The following FGF12 variants were observed in gnomAD, a reference collection of about 807,000 sequenced individuals.
FGF12 encodes the protein fibroblast growth factor 12.
In FGF12, 14 loss-of-function variants were observed where a neutral mutation model predicts 23.6. That is an observed-to-expected ratio of 0.59 (90% CI 0.39 to 0.93). The LOEUF (loss-of-function observed/expected upper bound fraction) is 0.93. Ranked by LOEUF, FGF12 falls within the 40% of genes least tolerant of loss-of-function variation. The pLI is 0.00. For missense variants in FGF12, 175 were observed against 217.8 expected, an observed-to-expected ratio of 0.80 and a Z score of 1.24; for synonymous variants, 62 against 77.3, an observed-to-expected ratio of 0.80 and a Z score of 1.04.
chr3:192,433,110 G>A (rs145110140), intron 2 of FGF12, among the ~76,000 whole-genome samples: 106 of 152,212 alleles, frequency 7.0e-4, no homozygotes, highest in Middle Eastern at 3.4e-3. Context: ...TTCCTAGAAA[G>A]GGCATTGATT....
chr3:192,240,436 A>G lies in FGF12; in HGVS notation c.229-69780T>C, dbSNP rs183951700. On this transcript the variant is annotated intron_variant, in intron 4 of 5. Transcript: ENST00000445105. ...TTATTATTTTTTTGCTCTGAAAACCAATATAAATATGTTTATCTGCTACAA... is the reference window on the plus strand; with the variant it reads ...TTATTATTTTTTTGCTCTGAAAACCGATATAAATATGTTTATCTGCTACAA... Among the ~76,000 whole-genome samples the G allele has an allele frequency of 5.5e-3, 841 of 152,334 alleles. 7 individuals are homozygous for G. The highest frequency in any genetic ancestry group is 0.01 in the Non-Finnish European group (701 of 68,022).
intron 4 of FGF12, among the ~76,000 whole-genome samples, chr3:192,300,863 C>CA (rs1715312804): frequency 6.6e-6 from 1 of 151,936 alleles, no homozygotes; most frequent in Non-Finnish European, 1.5e-5. Context: ...CTAAGAAATA[C>CA]AAAAATTAGT....
At chr3:192,427,088 G>A (rs141127611) in intron 2 of FGF12, among the ~76,000 whole-genome samples, 3 of 152,100 alleles carry the variant, frequency 2.0e-5, no homozygotes, top group African/African-American at 7.2e-5. Context: ...CACTATAAGA[G>A]TAGAAGAGTG....
At chr3:192,247,258 G>T (rs1016414665) in intron 4 of FGF12, among the ~76,000 whole-genome samples, 1 of 152,118 alleles carries the variant, frequency 6.6e-6, no homozygotes, top group Admixed American at 6.5e-5. Flanking sequence ...TAGTCAACAA[G>T]CAGATGCACT....
chr3:192,214,618 T>C (rs1412893401), intron 4 of FGF12, among the ~76,000 whole-genome samples: 1 of 152,226 alleles, frequency 6.6e-6, no homozygotes, highest in African/African-American at 2.4e-5. Context: ...TCAGTTGTTA[T>C]GATGAAGCAA....
At chr3:192,631,468 C>T (rs1029984175) in intron 2 of FGF12, among the ~76,000 whole-genome samples, 3 of 152,334 alleles carry the variant, frequency 2.0e-5, no homozygotes, top group Admixed American at 2.0e-4. Flanking sequence ...ACATTGAGCC[C>T]TCATTTGCAG....
At chr3:192,608,939 C>T (rs1292841134) in intron 2 of FGF12, among the ~76,000 whole-genome samples, 1 of 152,048 alleles carries the variant, frequency 6.6e-6, no homozygotes, top group Non-Finnish European at 1.5e-5. Context: ...CTTAGTGAGG[C>T]AGGCTTAAAG....
chr3:192,707,915 A>G (rs940234452), intron 2 of FGF12, among the ~76,000 whole-genome samples: 4 of 152,030 alleles, frequency 2.6e-5, no homozygotes, highest in Non-Finnish European at 5.9e-5. Context: ...CATGGACAAC[A>G]GGAAGTTCAG....
At position 192,514,156 on chromosome 3, in the gene FGF12, A is replaced by C. The variant is rs575860658; in HGVS notation, c.14-153618T>G. On this transcript the variant is annotated intron_variant, in intron 2 of 5. Coordinates refer to ENST00000445105, the MANE Select transcript of FGF12 (RefSeq NM_004113.6). The surrounding 1 kb of genome is among the most constrained non-coding windows in gnomAD (Gnocchi z 4.9). ...CTCCTACTTCAGCACCAAGGACAGA[A>C]ATCGCTAAATCTCCAGGGGAAACGT... is the stretch of plus-strand genomic sequence containing the variant. Among the ~76,000 whole-genome samples the C allele has an allele frequency of 6.6e-6, 1 of 152,324 alleles. No individual in the cohort carries two copies. The highest frequency in any genetic ancestry group is 1.9e-4 in the East Asian group (1 of 5,182).
intron 2 of FGF12, among the ~76,000 whole-genome samples, chr3:192,415,693 C>G (rs1424921870): frequency 6.7e-6 from 1 of 149,178 alleles, no homozygotes; most frequent in Non-Finnish European, 1.5e-5. Context: ...ATATCTAGGC[C>G]TATATTTTCA....
chr3:192,532,828 T>G (rs959762817), intron 2 of FGF12, among the ~76,000 whole-genome samples: 1 of 152,200 alleles, frequency 6.6e-6, no homozygotes, highest in African/African-American at 2.4e-5. Context: ...GTTTATTTTT[T>G]TCTTCTATGA....
At chr3:192,312,761 A>C (rs1005317392) in intron 4 of FGF12, among the ~76,000 whole-genome samples, 1 of 151,074 alleles carries the variant, frequency 6.6e-6, no homozygotes, top group Admixed American at 6.6e-5. Context: ...AAAAAAAAAA[A>C]TTATGCCAAG....
intron 2 of FGF12, among the ~76,000 whole-genome samples, chr3:192,648,402 T>A (rs1272010022): frequency 6.6e-6 from 1 of 152,116 alleles, no homozygotes; most frequent in Admixed American, 6.6e-5. Context: ...GATACATCTA[T>A]ATACACAAAA....
intron 2 of FGF12, among the ~76,000 whole-genome samples, chr3:192,630,142 G>A (rs544443924): frequency 1.3e-5 from 2 of 152,092 alleles, no homozygotes; most frequent in Non-Finnish European, 2.9e-5. Context: ...CTCCCTGCCC[G>A]CCTCTCTTGC....
intron 4 of FGF12, among the ~76,000 whole-genome samples, chr3:192,274,751 C>G (rs1418432708): frequency 5.3e-5 from 8 of 152,176 alleles, no homozygotes; most frequent in African/African-American, 1.9e-4. Flanking sequence ...AAGGACATAA[C>G]AAGGACACAG....
chr3:192,659,965 T>C (rs1455455287), intron 2 of FGF12, among the ~76,000 whole-genome samples: 3 of 152,116 alleles, frequency 2.0e-5, no homozygotes, highest in South Asian at 4.1e-4. Flanking sequence ...TATCTGTTCA[T>C]ATCCTTCATG....
chr3:192,720,039 G>T (rs6805554), intron 2 of FGF12, among the ~76,000 whole-genome samples: 11,749 of 152,286 alleles, frequency 0.077, 866 homozygotes, highest in East Asian at 0.19. Context: ...TGCCTGCTTG[G>T]TAAAGGACTC....
At chr3:192,401,327 G>A (rs62294890) in intron 2 of FGF12, among the ~76,000 whole-genome samples, 1 of 152,192 alleles carries the variant, frequency 6.6e-6, no homozygotes, top group Non-Finnish European at 1.5e-5. Flanking sequence ...GAAAAGGGAG[G>A]AAATTTTTAG....
chr3:192,453,957 G>A (rs545436978), intron 2 of FGF12, among the ~76,000 whole-genome samples: 1 of 152,058 alleles, frequency 6.6e-6, no homozygotes, highest in South Asian at 2.1e-4. Context: ...TTCTCTCCAT[G>A]CAATACTTTT....
Sources: gnomAD v4.1 joint callset for allele counts (sites outside exome capture counted in the v4.1 genomes callset) on GRCh38, gnomAD v4.1.1 for gene constraint, Gnocchi (gnomAD v3.1) non-coding constraint, MANE v1.5 for transcripts, NCBI Gene and HGNC (gene_info 2026-07-23, HGNC 2026-07-21) for gene names.